ACOXL: variants seen among roughly 807,000 people sequenced by gnomAD.
ACOXL encodes the protein acyl-CoA oxidase like, also known as acyl-coenzyme A oxidase-like protein.
Under a neutral mutation model 71.9 loss-of-function variants are expected in ACOXL, and 70 were observed. That is an observed-to-expected ratio of 0.97 (90% CI 0.80 to 1.19). The LOEUF is 1.19. Among genes scored for constraint, ACOXL ranks in the 50% most tolerant of loss-of-function variants. The probability of loss-of-function intolerance (pLI) is 0.00; values close to 1 mark genes in which losing one functional copy is unlikely to be tolerated. For missense variants in ACOXL, 703 were observed against 736.3 expected, an observed-to-expected ratio of 0.95 and a Z score of 0.52; for synonymous variants, 253 against 281.6, an observed-to-expected ratio of 0.90 and a Z score of 1.02.
intron 12 of ACOXL, among the ~76,000 whole-genome samples, chr2:110,951,533 A>T (rs2061333689): frequency 6.6e-6 from 1 of 152,240 alleles, no homozygotes; most frequent in African/African-American, 2.4e-5. Flanking sequence ...CCTTGGCTTT[A>T]AAAGAAATGT....
At chr2:111,060,840 A>G (rs1298317360) in intron 16 of ACOXL, among the ~76,000 whole-genome samples, 3 of 152,226 alleles carry the variant, frequency 2.0e-5, no homozygotes, top group African/African-American at 4.8e-5. Context: ...AAACAACCAA[A>G]TGGAAATGTT....
At chr2:110,773,710 A>G (rs1216359065) in intron 2 of ACOXL, among the ~76,000 whole-genome samples, 1 of 152,200 alleles carries the variant, frequency 6.6e-6, no homozygotes, top group Non-Finnish European at 1.5e-5. Flanking sequence ...CCTGGCTCTT[A>G]GTCCTATATA....
chr2:111,083,237 G>A lies in ACOXL; in HGVS notation c.1441-9628G>A, dbSNP rs149547214. The stretch of plus-strand genomic sequence containing the variant: ...TACTCTATCATTTAACTTTCTTTGA[G>A]CCTCTGTTTCTTCATGTGTAAAAAG... On this transcript the variant is annotated intron_variant, in intron 16 of 17. Transcript: ENST00000439055. Among the ~76,000 whole-genome samples the A allele has an allele frequency of 2.2e-3, 340 of 152,122 alleles. 2 individuals are homozygous for A. The highest frequency in any genetic ancestry group is 7.8e-3 in the African/African-American group (323 of 41,506).
chr2:110,782,206 C>A (rs1349232791), intron 2 of ACOXL, among the ~76,000 whole-genome samples: 1 of 152,166 alleles, frequency 6.6e-6, no homozygotes, highest in African/African-American at 2.4e-5. Flanking sequence ...TGCTGCAATT[C>A]TACTGCTGCA....
At chr2:111,022,753 G>C (rs1365495535) in intron 14 of ACOXL, among the ~76,000 whole-genome samples, 1 of 152,218 alleles carries the variant, frequency 6.6e-6, no homozygotes, top group East Asian at 1.9e-4. Context: ...CTAGGGGCCT[G>C]CAGCAGAGGG....
chr2:110,963,044 G>T (rs2061763840), intron 12 of ACOXL, among the ~76,000 whole-genome samples: 1 of 152,170 alleles, frequency 6.6e-6, no homozygotes, highest in Admixed American at 6.5e-5. Context: ...TGGTTTGTGT[G>T]CAGAAACACT....
chr2:110,973,925 C>T (rs1291778930), intron 12 of ACOXL, among the ~76,000 whole-genome samples: 1 of 152,182 alleles, frequency 6.6e-6, no homozygotes, highest in Non-Finnish European at 1.5e-5. Context: ...CCCCTGAATA[C>T]ATAGCTTAGT....
intron 10 of ACOXL, among the ~76,000 whole-genome samples, chr2:110,849,198 G>C (rs986755831): frequency 6.6e-6 from 1 of 152,196 alleles, no homozygotes; most frequent in Admixed American, 6.5e-5. Flanking sequence ...GGGAAAGGCA[G>C]GCGGCATCCC....
At position 110,921,393 on chromosome 2, in the gene ACOXL, C is replaced by G. The variant is rs982182718; in HGVS notation, c.906-12096C>G. ...CTCTGTGTCTCTATATATCCACCCC[C>G]CCCCCCCTTTTTTTTTTGAGGCAGA... is the stretch of plus-strand genomic sequence containing the variant. On this transcript the variant is annotated intron_variant, in intron 11 of 17. Coordinates refer to ENST00000439055, the MANE Select transcript of ACOXL (RefSeq NM_001142807.4). 1.4e-4 allele frequency among the ~76,000 whole-genome samples: 17 copies of G among 124,814 alleles called. 2 individuals are homozygous for G. The highest frequency in any genetic ancestry group is 2.1e-4 in the Non-Finnish European group (12 of 56,162). 81.9% of individuals were successfully genotyped at this position (124,814 alleles called of 152,430 possible). A position where few individuals can be genotyped will look rare whatever the true frequency, so the allele number is the denominator to read the frequency against.
At chr2:111,020,529 T>A (rs1487475910) in intron 14 of ACOXL, among the ~76,000 whole-genome samples, 2 of 151,816 alleles carry the variant, frequency 1.3e-5, no homozygotes, top group Non-Finnish European at 2.9e-5. Flanking sequence ...AGCAAGAGAG[T>A]GATGTGTGCT....
chr2:110,997,844 C>G (rs1451601141), intron 14 of ACOXL, among the ~76,000 whole-genome samples: 1 of 152,122 alleles, frequency 6.6e-6, no homozygotes, highest in African/African-American at 2.4e-5. Context: ...TGCTTGAGCT[C>G]AGGAGACCAG....
intron 12 of ACOXL, among the ~76,000 whole-genome samples, chr2:110,935,997 A>G (rs911999948): frequency 6.6e-6 from 1 of 152,046 alleles, no homozygotes; most frequent in African/African-American, 2.4e-5. Context: ...ATGAGCATCT[A>G]ATGGTGCTGC....
chr2:110,757,544 G>T (rs777956064), intron 1 of ACOXL, among the ~76,000 whole-genome samples: 1 of 151,962 alleles, frequency 6.6e-6, no homozygotes, highest in Non-Finnish European at 1.5e-5. Flanking sequence ...CTCGTTCTCC[G>T]CAACCTCGCC....
intron 12 of ACOXL, chr2:110,967,795 T>C: frequency 1.4e-6 from 1 of 733,872 alleles, no homozygotes; most frequent in East Asian, 2.5e-5. Flanking sequence ...GGCCTGCAGG[T>C]CTCTGTTGAG....
intron 17 of ACOXL, among the ~76,000 whole-genome samples, chr2:111,108,522 G>A (rs1377253966): frequency 2.0e-5 from 3 of 151,928 alleles, no homozygotes; most frequent in Admixed American, 6.6e-5. Context: ...AGGATTACAG[G>A]CATGTGCCAC....
intron 11 of ACOXL, among the ~76,000 whole-genome samples, chr2:110,909,477 C>T (rs2059577139): frequency 6.6e-6 from 1 of 151,998 alleles, no homozygotes; most frequent in African/African-American, 2.4e-5. Flanking sequence ...ATCATCCCCG[C>T]ATTATAAAGA....
intron 9 of ACOXL, among the ~76,000 whole-genome samples, chr2:110,820,567 G>A (rs893674959): frequency 6.6e-6 from 1 of 151,956 alleles, no homozygotes; most frequent in Admixed American, 6.6e-5. Flanking sequence ...TGGGGGTGGG[G>A]CTGGACACTT....
intron 8 of ACOXL, among the ~76,000 whole-genome samples, chr2:110,802,538 T>C (rs1686128859): frequency 6.6e-6 from 1 of 152,182 alleles, no homozygotes; most frequent in South Asian, 2.1e-4. Flanking sequence ...CAGATAAATG[T>C]AGTGGATGCC....
intron 10 of ACOXL, among the ~76,000 whole-genome samples, chr2:110,899,745 AT>A (rs2059152505): frequency 6.6e-6 from 1 of 152,310 alleles, no homozygotes; most frequent in Admixed American, 6.5e-5. Flanking sequence ...TTTAAAAAAA[AT>A]CTCAAGGAAT....
Sources: allele counts gnomAD v4.1 joint callset (sites outside exome capture counted in the v4.1 genomes callset), GRCh38; gene constraint gnomAD v4.1.1; transcripts MANE v1.5; gene names NCBI Gene and HGNC (gene_info 2026-07-23, HGNC 2026-07-21).